Variants in HCRTR2 observed in about 807,000 individuals in gnomAD.
HCRTR2 encodes the protein orexin receptor type 2.
Under a neutral mutation model 49.0 loss-of-function variants are expected in HCRTR2, and 22 were observed. The observed-to-expected ratio is 0.45, with a 90% CI of 0.32 to 0.64. HCRTR2 has a LOEUF of 0.64. Ranked by LOEUF, HCRTR2 falls within the 30% of genes least tolerant of loss-of-function variation. HCRTR2 has a pLI of 0.04. For synonymous variants in HCRTR2, 236 were observed against 205.3 expected, an observed-to-expected ratio of 1.15 and a Z score of -1.28; for missense variants, 491 against 559.4, an observed-to-expected ratio of 0.88 and a Z score of 1.23.
chr6:55,212,138 C>T lies in HCRTR2; in HGVS notation c.224-36501C>T, dbSNP rs111953361. On this transcript the variant is annotated intron_variant, in intron 1 of 6. Coordinates refer to ENST00000370862, the MANE Select transcript of HCRTR2 (RefSeq NM_001384272.1). Reference sequence around the variant, plus strand: ...CAGCATTCATGAACAAATTCCTGTGCGAAGATTGAGAATGAAAGATGAATA... The same window carrying T: ...CAGCATTCATGAACAAATTCCTGTGTGAAGATTGAGAATGAAAGATGAATA... Among the ~76,000 whole-genome samples the T allele has an allele frequency of 8.5e-4, 130 of 152,068 alleles. 2 individuals carry two copies. Among genetic ancestry groups the T allele is most frequent in the Admixed American group, 3.3e-4 (5 of 15,254 alleles).
intron 1 of HCRTR2, among the ~76,000 whole-genome samples, chr6:55,107,434 C>T (rs56003919): frequency 0.2 from 30,332 of 151,816 alleles, 3,270 homozygotes; most frequent in South Asian, 0.26. Context: ...TTATCTCTGT[C>T]TCTCTGTCTC....
At chr6:55,258,686 A>G (rs1448460182) in intron 3 of HCRTR2, among the ~76,000 whole-genome samples, 1 of 152,150 alleles carries the variant, frequency 6.6e-6, no homozygotes, top group African/African-American at 2.4e-5. Context: ...TACTTCTAAA[A>G]TTATTAAATT....
chr6:55,172,989 T>G (rs957112428), upstream of HCRTR2, among the ~76,000 whole-genome samples: 1 of 152,186 alleles, frequency 6.6e-6, no homozygotes, highest in African/African-American at 2.4e-5. Flanking sequence ...AGTTACATAT[T>G]TTGCAAGATA....
At chr6:55,279,169 A>T (rs893177875) in intron 5 of HCRTR2, among the ~76,000 whole-genome samples, 3 of 152,078 alleles carry the variant, frequency 2.0e-5, no homozygotes, top group Non-Finnish European at 1.5e-5. Context: ...AGAACTTGAA[A>T]ATTGTTTTTC....
At chr6:55,178,515 A>C (rs967081684) in intron 1 of HCRTR2, among the ~76,000 whole-genome samples, 6 of 152,174 alleles carry the variant, frequency 3.9e-5, no homozygotes, top group Non-Finnish European at 8.8e-5. Context: ...ACAGGCATAT[A>C]CATATTTTTC....
intron 1 of HCRTR2, among the ~76,000 whole-genome samples, chr6:55,145,410 T>C (rs372346388): frequency 6.6e-3 from 494 of 75,282 alleles, no homozygotes; most frequent in Middle Eastern, 9.8e-3. Context: ...TTTTTGTTTT[T>C]TTGTTTGTTT....
intron 1 of HCRTR2, among the ~76,000 whole-genome samples, chr6:55,244,174 G>A (rs1393646380): frequency 6.6e-6 from 1 of 151,950 alleles, no homozygotes; most frequent in Non-Finnish European, 1.5e-5. Context: ...GTTACTATTG[G>A]CCATCTGAGA....
chr6:55,172,984 C>T (rs1764972848), upstream of HCRTR2, among the ~76,000 whole-genome samples: 1 of 152,138 alleles, frequency 6.6e-6, no homozygotes, highest in Non-Finnish European at 1.5e-5. Flanking sequence ...CTCCCAGTTA[C>T]ATATTTTGCA....
intron 1 of HCRTR2, among the ~76,000 whole-genome samples, chr6:55,176,067 T>G (rs939496875): frequency 6.6e-6 from 1 of 152,186 alleles, no homozygotes; most frequent in African/African-American, 2.4e-5. Flanking sequence ...AAGGAAATTA[T>G]CAGGCTTTCA....
At chr6:55,188,523 A>G (rs1765263360) in intron 1 of HCRTR2, among the ~76,000 whole-genome samples, 1 of 152,238 alleles carries the variant, frequency 6.6e-6, no homozygotes, top group Non-Finnish European at 1.5e-5. Flanking sequence ...ATCCAACTGT[A>G]GCAGCAAAAG....
chr6:55,273,828 C>G (rs1185183964), intron 4 of HCRTR2, among the ~76,000 whole-genome samples: 1 of 151,864 alleles, frequency 6.6e-6, no homozygotes, highest in Non-Finnish European at 1.5e-5. Context: ...TAGTCCCTTG[C>G]CCAGGTACTT....
intron 1 of HCRTR2, among the ~76,000 whole-genome samples, chr6:55,147,236 A>G (rs538072479): frequency 5.6e-4 from 86 of 152,226 alleles, no homozygotes; most frequent in African/African-American, 2.1e-3. Flanking sequence ...TCATATTTGG[A>G]TAAAAGTATA....
At chr6:55,258,335 A>G (rs1766691398) in intron 3 of HCRTR2, among the ~76,000 whole-genome samples, 1 of 152,268 alleles carries the variant, frequency 6.6e-6, no homozygotes, top group East Asian at 1.9e-4. Flanking sequence ...TGGCAGTGGA[A>G]AAAAATTTGG....
intron 1 of HCRTR2, among the ~76,000 whole-genome samples, chr6:55,189,542 A>G (rs1765280900): frequency 6.6e-6 from 1 of 152,240 alleles, no homozygotes; most frequent in South Asian, 2.1e-4. Flanking sequence ...ACATGGGAAC[A>G]TAAAACTAAA....
chr6:55,165,235 GA>G (rs1167689499), intron 1 of HCRTR2, among the ~76,000 whole-genome samples: 4 of 151,636 alleles, frequency 2.6e-5, no homozygotes, highest in Non-Finnish European at 5.9e-5. Context: ...GAGAGAGAGA[GA>G]GAGTGGGATA....
At chr6:55,187,076 TA>T (rs377314769) in intron 1 of HCRTR2, among the ~76,000 whole-genome samples, 3,410 of 147,392 alleles carry the variant, frequency 0.023, 100 homozygotes, top group African/African-American at 0.063. Flanking sequence ...CATTATGAAT[TA>T]AAAAAAAAAA....
At chr6:55,132,910 T>C (rs1004932488) in intron 1 of HCRTR2, among the ~76,000 whole-genome samples, 2 of 151,746 alleles carry the variant, frequency 1.3e-5, no homozygotes, top group Non-Finnish European at 3.0e-5. Flanking sequence ...CAGAGACCCA[T>C]GATGACCACA....
chr6:55,114,730 C>T (rs1036192879), intron 1 of HCRTR2, among the ~76,000 whole-genome samples: 4 of 151,802 alleles, frequency 2.6e-5, no homozygotes, highest in African/African-American at 9.7e-5. Flanking sequence ...ATAAGAAACA[C>T]TCCATATTCC....
chr6:55,213,304 T>C (rs1257287785), intron 1 of HCRTR2, among the ~76,000 whole-genome samples: 2 of 152,208 alleles, frequency 1.3e-5, no homozygotes, highest in African/African-American at 4.8e-5. Flanking sequence ...CCTTGTGGCA[T>C]CTTCTTAAAA....
Sources: gnomAD v4.1 joint callset for allele counts (sites outside exome capture counted in the v4.1 genomes callset) on GRCh38, gnomAD v4.1.1 for gene constraint, MANE v1.5 for transcripts, NCBI Gene and HGNC (gene_info 2026-07-23, HGNC 2026-07-21) for gene names.